The following FAM83B variants were observed in gnomAD, a reference collection of about 807,000 sequenced individuals.
The protein encoded by FAM83B is protein FAM83B.
FAM83B carries 26 observed loss-of-function variants against 38.8 expected under a neutral mutation model. That is an observed-to-expected ratio of 0.67 (90% CI 0.49 to 0.93). The LOEUF (loss-of-function observed/expected upper bound fraction) is 0.93, where lower values mean the gene tolerates loss of function less well. Among genes scored for constraint, FAM83B ranks in the 40% least tolerant of loss-of-function variants. The probability of loss-of-function intolerance (pLI) is 0.00; values close to 1 mark genes in which losing one functional copy is unlikely to be tolerated. For synonymous variants in FAM83B, 419 were observed against 423.1 expected, an observed-to-expected ratio of 0.99 and a Z score of 0.12; for missense variants, 1,237 against 1,197.3, an observed-to-expected ratio of 1.03 and a Z score of -0.49.
intron 2 of FAM83B, among the ~76,000 whole-genome samples, chr6:54,889,411 A>G (rs1412321544): frequency 6.6e-6 from 1 of 152,110 alleles, no homozygotes; most frequent in Non-Finnish European, 1.5e-5. Flanking sequence ...TATTTAAGCT[A>G]CATACGATAA....
At position 54,940,237 on chromosome 6, in the gene FAM83B, T is replaced by A. The variant is rs747640441; in HGVS notation, c.1266T>A (p.Ser422Arg). 6.2e-6 allele frequency: 10 copies of A among 1,613,886 alleles called. No individual in the cohort carries two copies. Among genetic ancestry groups the A allele is most frequent in the Non-Finnish European group, 8.5e-6 (10 of 1,179,992 alleles). The change falls in exon 5 of 5, where the codon AGT becomes AGA. Residue 422 changes from serine to arginine, a missense_variant. Ser to Arg is a moderately radical substitution (Grantham distance 110). Coordinates refer to ENST00000306858, the MANE Select transcript of FAM83B (RefSeq NM_001010872.3). ...PPGNWKKPSD[S>R]LSVASSSREG... is the part of the protein sequence containing the mutation. ...GTAATTGGAAAAAGCCATCTGATAG[T>A]CTCAGTGTGGCGTCCTCATCACGGG...
At chr6:54,904,107 GT>G (rs1382042429) in intron 2 of FAM83B, among the ~76,000 whole-genome samples, 1 of 151,776 alleles carries the variant, frequency 6.6e-6, no homozygotes, top group Non-Finnish European at 1.5e-5. Flanking sequence ...TTTAAAGTCT[GT>G]TTACATATTG....
chr6:54,876,540 G>T (rs544819813), intron 2 of FAM83B, among the ~76,000 whole-genome samples: 3 of 151,422 alleles, frequency 2.0e-5, no homozygotes, highest in African/African-American at 4.8e-5. Flanking sequence ...GGCCAGGCTG[G>T]TCTCCTGACC....
At chr6:54,929,062 C>T (rs563253828) in intron 4 of FAM83B, among the ~76,000 whole-genome samples, 57 of 152,204 alleles carry the variant, frequency 3.7e-4, no homozygotes, top group Middle Eastern at 6.8e-3. Flanking sequence ...AAAAATTTAT[C>T]ACAACTCTTA....
intron 1 of FAM83B, among the ~76,000 whole-genome samples, chr6:54,852,185 T>C (rs1771316174): frequency 6.6e-6 from 1 of 152,244 alleles, no homozygotes. Flanking sequence ...TCTCGTTTTA[T>C]TGTGCTTTGC....
At chr6:54,851,404 T>C (rs1371464260) in intron 1 of FAM83B, among the ~76,000 whole-genome samples, 2 of 152,124 alleles carry the variant, frequency 1.3e-5, no homozygotes, top group Non-Finnish European at 2.9e-5. Flanking sequence ...ATTTCATACT[T>C]CTATTTATTT....
chr6:54,914,476 A>G (rs192709584), intron 2 of FAM83B, among the ~76,000 whole-genome samples: 2 of 152,076 alleles, frequency 1.3e-5, no homozygotes, highest in African/African-American at 4.8e-5. Context: ...CTTCTTATCC[A>G]TCCATCAGTC....
intron 1 of FAM83B, among the ~76,000 whole-genome samples, chr6:54,862,682 G>A (rs910105105): frequency 6.6e-6 from 1 of 152,046 alleles, no homozygotes; most frequent in Non-Finnish European, 1.5e-5. Context: ...TTCAAGACTA[G>A]CCTGGGCAAC....
chr6:54,892,826 C>T (rs921943832), intron 2 of FAM83B, among the ~76,000 whole-genome samples: 1 of 151,922 alleles, frequency 6.6e-6, no homozygotes, highest in Non-Finnish European at 1.5e-5. Context: ...CAATTGTCTC[C>T]CTCTTAAGTG....
chr6:54,854,060 A>T (rs1222512978), intron 1 of FAM83B, among the ~76,000 whole-genome samples: 3 of 152,184 alleles, frequency 2.0e-5, no homozygotes, highest in African/African-American at 7.2e-5. Flanking sequence ...ATAGCAAGGG[A>T]CCTATTAATA....
At chr6:54,871,439 C>T (rs1771850287) in intron 2 of FAM83B, among the ~76,000 whole-genome samples, 1 of 151,512 alleles carries the variant, frequency 6.6e-6, no homozygotes, top group Non-Finnish European at 1.5e-5. Flanking sequence ...ATGGGCAAGG[C>T]TGGGCGTGGT....
intron 2 of FAM83B, among the ~76,000 whole-genome samples, chr6:54,895,732 T>C (rs768152925): frequency 1.3e-5 from 2 of 152,076 alleles, no homozygotes; most frequent in Admixed American, 6.6e-5. Context: ...ACCAGTAACA[T>C]GGCATAGGTT....
chr6:54,885,754 G>A (rs1049498041), intron 2 of FAM83B, among the ~76,000 whole-genome samples: 19 of 150,780 alleles, frequency 1.3e-4, no homozygotes, highest in Admixed American at 2.7e-4. Context: ...ACTCATAGGT[G>A]GGAACTGAAG....
At position 54,871,801 on chromosome 6, in the gene FAM83B, A is replaced by G. The variant is rs144235928; in HGVS notation, c.444+1111A>G. On this transcript the variant is annotated intron_variant, in intron 2 of 4. Transcript: ENST00000306858. The stretch of plus-strand genomic sequence containing the variant: ...AGGCAAAAAGTTACAATTTTTAATT[A>G]TAAAGTGTGCATTTTTTAGTTATGA... Among the ~76,000 whole-genome samples the G allele has an allele frequency of 9.3e-3, 1,378 of 148,438 alleles. 24 individuals carry two copies. The highest frequency in any genetic ancestry group is 0.03 in the African/African-American group (1,216 of 40,542).
At chr6:54,898,507 G>GT (rs1232613585) in intron 2 of FAM83B, among the ~76,000 whole-genome samples, 1 of 152,096 alleles carries the variant, frequency 6.6e-6, no homozygotes, top group African/African-American at 2.4e-5. Context: ...CATGAACATC[G>GT]TCTTCTGGAC....
At position 54,875,569 on chromosome 6, in the gene FAM83B, G is replaced by A. The variant is rs369094325; in HGVS notation, c.444+4879G>A. Among the ~76,000 whole-genome samples, 92 of 152,148 alleles carry A rather than the reference G, an allele frequency of 6.0e-4. 1 individual carries two copies. The highest frequency in any genetic ancestry group is 1.8e-3 in the African/African-American group (75 of 41,410). ...TGAACATTTCTTCTGTGAATAAAAT[G>A]CATTACATGTTAATATATATTTATG... On this transcript the variant is annotated intron_variant, in intron 2 of 4. Transcript: ENST00000306858.
chr6:54,847,650 A>C (rs1771172639), intron 1 of FAM83B, among the ~76,000 whole-genome samples: 2 of 152,098 alleles, frequency 1.3e-5, no homozygotes, highest in South Asian at 4.1e-4. Flanking sequence ...GTGTAAGGTT[A>C]ATGGACAGGC....
chr6:54,906,310 G>A (rs1164042589), intron 2 of FAM83B, among the ~76,000 whole-genome samples: 1 of 152,032 alleles, frequency 6.6e-6, no homozygotes, highest in East Asian at 1.9e-4. Flanking sequence ...AATTGAGTTG[G>A]TGTTTTGGTA....
At chr6:54,859,960 T>C (rs1053969507) in intron 1 of FAM83B, among the ~76,000 whole-genome samples, 5 of 152,190 alleles carry the variant, frequency 3.3e-5, no homozygotes, top group Non-Finnish European at 7.3e-5. Context: ...TATTCATTGA[T>C]AAACATTTGT....
Sources: gnomAD v4.1 joint callset for allele counts (sites outside exome capture counted in the v4.1 genomes callset) on GRCh38, gnomAD v4.1.1 for gene constraint, MANE v1.5 for transcripts, NCBI Gene and HGNC (gene_info 2026-07-23, HGNC 2026-07-21) for gene names.